Variants in NTRK2 observed in about 807,000 individuals in gnomAD.
The protein encoded by NTRK2 is BDNF/NT-3 growth factors receptor.
A neutral mutation model predicts 94.5 loss-of-function variants in NTRK2; 13 were observed. The ratio of observed to expected loss-of-function variants is 0.14; its 90% CI spans 0.09 to 0.22. The LOEUF (loss-of-function observed/expected upper bound fraction) is 0.22. NTRK2 is among the 10% of genes least tolerant of loss of function. NTRK2 has a pLI of 1.00. For missense variants in NTRK2, 639 were observed against 1,071.2 expected (o/e 0.60, Z 5.63); for synonymous variants, 372 against 407.4 (o/e 0.91, Z 1.05).
chr9:84,988,373 A>G (rs1294246333), intron 17 of NTRK2, among the ~76,000 whole-genome samples: 1 of 152,166 alleles, frequency 6.6e-6, no homozygotes, highest in Non-Finnish European at 1.5e-5. Context: ...AAGGTTCTTA[A>G]GGGGTGGATC....
intron 14 of NTRK2, among the ~76,000 whole-genome samples, chr9:84,928,094 G>A (rs978769729): frequency 9.9e-5 from 15 of 152,080 alleles, no homozygotes; most frequent in Admixed American, 1.3e-4. Context: ...TGAATATTTA[G>A]CCTTTTCTTG....
At chr9:84,821,381 C>G (rs968014361) in intron 12 of NTRK2, among the ~76,000 whole-genome samples, 1 of 151,988 alleles carries the variant, frequency 6.6e-6, no homozygotes, top group African/African-American at 2.4e-5. Flanking sequence ...ATTTTCAGTT[C>G]TATTTGATCA....
chr9:84,867,995 C>T (rs1475654528), intron 14 of NTRK2, among the ~76,000 whole-genome samples: 1 of 152,186 alleles, frequency 6.6e-6, no homozygotes, highest in African/African-American at 2.4e-5. Context: ...AGTACACTTA[C>T]TTTCATTTTT....
chr9:84,810,696 G>A, intron 12 of NTRK2: 2 of 1,584,676 alleles, frequency 1.3e-6, no homozygotes, highest in South Asian at 2.3e-5. Flanking sequence ...GCTTATCTGG[G>A]GTTTTCTGGT....
chr9:84,749,176 C>T (rs2064358946), intron 11 of NTRK2, among the ~76,000 whole-genome samples: 1 of 151,792 alleles, frequency 6.6e-6, no homozygotes, highest in Non-Finnish European at 1.5e-5. Context: ...TGTGGTGAGC[C>T]AAGATCGCAC....
At chr9:84,685,713 C>A (rs2059670781) in intron 2 of NTRK2, among the ~76,000 whole-genome samples, 1 of 152,132 alleles carries the variant, frequency 6.6e-6, no homozygotes, top group Non-Finnish European at 1.5e-5. Flanking sequence ...TCCTCTCTGC[C>A]TTCTACCCTG....
chr9:84,987,850 A>G (rs1828521151), intron 17 of NTRK2, among the ~76,000 whole-genome samples: 1 of 151,956 alleles, frequency 6.6e-6, no homozygotes, highest in Non-Finnish European at 1.5e-5. Flanking sequence ...GTAACTAATG[A>G]TGTTAACTAA....
At chr9:84,895,000 T>C (rs973108523) in intron 14 of NTRK2, among the ~76,000 whole-genome samples, 1 of 152,076 alleles carries the variant, frequency 6.6e-6, no homozygotes, top group Non-Finnish European at 1.5e-5. Context: ...ATATAACCCT[T>C]AGATAATAGG....
chr9:84,782,028 C>T (rs1345110852), intron 12 of NTRK2, among the ~76,000 whole-genome samples: 2 of 126,306 alleles, frequency 1.6e-5, no homozygotes, highest in African/African-American at 3.2e-5. Flanking sequence ...ATAAGATGGC[C>T]TCCAAGAAAA....
intron 14 of NTRK2, among the ~76,000 whole-genome samples, chr9:84,893,250 T>A (rs545722497): frequency 6.6e-6 from 1 of 152,324 alleles, no homozygotes; most frequent in African/African-American, 2.4e-5. Flanking sequence ...TCATTTTGCC[T>A]GTTCTAGGGC....
chr9:84,760,870 TA>T (rs1261983880), intron 12 of NTRK2, among the ~76,000 whole-genome samples: 2 of 152,246 alleles, frequency 1.3e-5, no homozygotes, highest in Non-Finnish European at 1.5e-5. Flanking sequence ...TTATAACTGC[TA>T]AAGTGATTTA....
At chr9:84,924,268 A>AAAGAAAGG (rs1204622594) in intron 14 of NTRK2, among the ~76,000 whole-genome samples, 8 of 151,848 alleles carry the variant, frequency 5.3e-5, no homozygotes, top group African/African-American at 1.5e-4. Context: ...AGAAAGAAAG[A>AAAGAAAGG]AAGAAAGAAA....
intron 4 of NTRK2, 110 bp downstream of exon 4, chr9:84,702,529 T>C: frequency 2.2e-6 from 2 of 928,150 alleles, no homozygotes; most frequent in Admixed American, 1.7e-5. Flanking sequence ...TTAAAGTTAG[T>C]ATAGCTGTGA....
chr9:84,872,381 T>C lies in NTRK2; in HGVS notation c.1633+4950T>C. ...TTCTCTTGAAGGGCAGGAGTGTGTT[T>C]TATCTTCTCCCGTCGGAGCAAACAC... On this transcript the variant is annotated intron_variant, in intron 14 of 18. Transcript: ENST00000277120. The C allele has an allele frequency of 9.2e-6, 10 of 1,091,052 alleles. No homozygotes were observed. In the Admixed American group the frequency reaches 2.3e-4, roughly 25 times the overall value. The allele number at this position is 1,091,052 out of a possible 1,614,324, so 67.6% of individuals were successfully genotyped here.
At chr9:84,939,592 G>A (rs1451145920) in intron 15 of NTRK2, among the ~76,000 whole-genome samples, 2 of 152,206 alleles carry the variant, frequency 1.3e-5, no homozygotes, top group East Asian at 1.9e-4. Flanking sequence ...AAGGGAATAA[G>A]TGGAAATAAG....
At chr9:84,753,680 A>G (rs1024605537) in intron 12 of NTRK2, among the ~76,000 whole-genome samples, 1 of 152,134 alleles carries the variant, frequency 6.6e-6, no homozygotes, top group Non-Finnish European at 1.5e-5. Context: ...GCCGCACCCT[A>G]CCATGGCATT....
In NTRK2 at chr9:84,814,491, G is replaced by T. The variant is rs1010425666; in HGVS notation, c.1397-46549G>T. 3 of 1,065,746 alleles carry T rather than the reference G, an allele frequency of 2.8e-6. No homozygotes were observed. The African/African-American group carries it at 4.9e-5, about 17-fold the overall frequency. 66.0% of individuals were successfully genotyped at this position (1,065,746 alleles called of 1,614,324 possible). A position where few individuals can be genotyped will look rare whatever the true frequency, so the allele number is the denominator to read the frequency against. On this transcript the variant is annotated intron_variant, in intron 12 of 18. Transcript: ENST00000277120. ...CTAAACTGACCCCATGACCAACTGA[G>T]AATTTATTTTTGTTTCATTGGTTGT...
At chr9:84,880,495 A>G (rs888256412) in intron 14 of NTRK2, among the ~76,000 whole-genome samples, 1 of 152,208 alleles carries the variant, frequency 6.6e-6, no homozygotes, top group African/African-American at 2.4e-5. Flanking sequence ...TTTTCCATTC[A>G]AAGGTCCATG....
intron 12 of NTRK2, among the ~76,000 whole-genome samples, chr9:84,794,536 G>A (rs1264204623): frequency 6.6e-6 from 1 of 152,122 alleles, no homozygotes; most frequent in African/African-American, 2.4e-5. Flanking sequence ...TCATCTCAGC[G>A]GTTTTCTCAT....
Sources: allele counts gnomAD v4.1 joint callset (sites outside exome capture counted in the v4.1 genomes callset), GRCh38; gene constraint gnomAD v4.1.1; transcripts MANE v1.5; gene names NCBI Gene and HGNC (gene_info 2026-07-23, HGNC 2026-07-21).